BTAF1: variants seen among roughly 807,000 people sequenced by gnomAD.
BTAF1 encodes B-TFIID TATA-box binding protein associated factor 1.
Under a neutral mutation model 227.1 loss-of-function variants are expected in BTAF1, and 38 were observed. The ratio of observed to expected loss-of-function variants is 0.17; its 90% CI spans 0.13 to 0.22. The LOEUF (loss-of-function observed/expected upper bound fraction) is 0.22. Ranked by LOEUF, BTAF1 falls within the 10% of genes least tolerant of loss-of-function variation. The pLI is 1.00. For missense variants in BTAF1, 1,598 were observed against 2,204.0 expected (o/e 0.73, Z 5.51); for synonymous variants, 742 against 751.9 (o/e 0.99, Z 0.21).
At position 92,011,101 on chromosome 10, in the gene BTAF1, C is replaced by T; in HGVS notation, c.4132C>T (p.Leu1378=). Residue 1378 remains leucine (L), a synonymous_variant, in exon 29 of 38, where the codon CTA becomes TTA. Transcript: ENST00000265990. ...RLQHQVKRHN[L]IVASYDVVRN... ...ACAGCACCAAGTAAAAAGGCACAATCTAATAGTGGCTTCATATGATGTTGT... is the reference window on the plus strand; with the variant it reads ...ACAGCACCAAGTAAAAAGGCACAATTTAATAGTGGCTTCATATGATGTTGT... 11 of 1,606,362 alleles carry T rather than the reference C, an allele frequency of 6.8e-6. No individual in the cohort carries two copies. Among genetic ancestry groups the T allele is most frequent in the Non-Finnish European group, 9.3e-6 (11 of 1,177,136 alleles).
intron 23 of BTAF1, 48 bp from the exon 24 acceptor site, chr10:91,996,321 A>C: frequency 6.5e-7 from 1 of 1,536,218 alleles, no homozygotes; most frequent in Non-Finnish European, 9.0e-7. Flanking sequence ...TTACATATTA[A>C]ACAGTATTTC....
intron 14 of BTAF1, among the ~76,000 whole-genome samples, chr10:91,974,604 G>A (rs945070313): frequency 1.3e-5 from 2 of 152,148 alleles, no homozygotes; most frequent in African/African-American, 4.8e-5. Context: ...GTAACCCCAG[G>A]ACTTTGGGAG....
intron 9 of BTAF1, chr10:91,959,369 C>CAGTGTCTCCAGGCAA: frequency 5.4e-6 from 5 of 921,762 alleles, no homozygotes; most frequent in Non-Finnish European, 7.5e-6. Flanking sequence ...TTGGTATTGC[C>CAGTGTCTCCAGGCAA]TGGAGACACT....
intron 5 of BTAF1, among the ~76,000 whole-genome samples, chr10:91,951,796 T>G (rs951018676): frequency 2.6e-5 from 4 of 152,162 alleles, no homozygotes; most frequent in Non-Finnish European, 4.4e-5. Context: ...TAGTAGACCT[T>G]TTAGGCACTA....
chr10:91,976,223 C>G (rs1418113255), intron 14 of BTAF1, among the ~76,000 whole-genome samples: 1 of 152,162 alleles, frequency 6.6e-6, no homozygotes, highest in Non-Finnish European at 1.5e-5. Context: ...ATGCACAAGG[C>G]AAGGTATGGG....
At position 92,013,816 on chromosome 10, in the gene BTAF1, AG is replaced by A. The variant is rs1850524855; in HGVS notation, c.4453+9del. The A allele has an allele frequency of 6.2e-7, 1 of 1,613,884 alleles. No individual in the cohort carries two copies. The highest frequency in any genetic ancestry group is 1.3e-5 in the African/African-American group (1 of 74,948). On this transcript the variant is annotated intron_variant, in intron 31 of 37. Transcript: ENST00000265990. The stretch of plus-strand genomic sequence containing the variant: ...GTCGAGAGCAAGAAGCAGGTATGAA[AG>A]AGATATAATTATAACCCTGTGTAAG...
intron 14 of BTAF1, 105 bp downstream of exon 14, chr10:91,966,862 A>C: frequency 9.4e-7 from 1 of 1,067,044 alleles, no homozygotes. Context: ...GATCAGGACA[A>C]TGTTGGGCCT....
intron 5 of BTAF1, 137 bp downstream of exon 5, chr10:91,951,703 T>C (rs1417117533): frequency 9.7e-6 from 9 of 925,840 alleles, no homozygotes; most frequent in Non-Finnish European, 1.1e-5. Context: ...TAATTTAGCA[T>C]CTTTTTTTAA....
In BTAF1 at chr10:91,994,699, A is replaced by G; in HGVS notation, c.3309+55A>G. The G allele has an allele frequency of 4.8e-6, 7 of 1,450,100 alleles. No homozygotes were observed. The South Asian group carries it at 8.1e-5, about 17-fold the overall frequency. The allele number at this position is 1,450,100 out of a possible 1,614,324, so 89.8% of individuals were successfully genotyped here. On this transcript the variant is annotated intron_variant, in intron 23 of 37. Coordinates refer to ENST00000265990, the MANE Select transcript of BTAF1 (RefSeq NM_003972.3). Reference sequence around the variant, plus strand: ...TTCAAATAAAACAAGTGGTCTTATTAAAAAGTCTTAAGGTTTGAAAGGTAC... The same window carrying G: ...TTCAAATAAAACAAGTGGTCTTATTGAAAAGTCTTAAGGTTTGAAAGGTAC...
intron 28 of BTAF1, 63 bp from the exon 29 acceptor site, chr10:92,011,002 TTATACAAA>T: frequency 1.7e-6 from 2 of 1,143,478 alleles, no homozygotes; most frequent in Non-Finnish European, 2.6e-6. Flanking sequence ...TGAAAGCACT[TTATACAAA>T]TGGTAGCTAT....
In BTAF1 at chr10:91,990,741, T is replaced by C. The variant is rs564895997; in HGVS notation, c.2854+1161T>C. On this transcript the variant is annotated intron_variant, in intron 20 of 37. Transcript: ENST00000265990. The stretch of plus-strand genomic sequence containing the variant: ...CTGGGAGGCGGAGGTTGCGGTGAGC[T>C]GAGATCGCGCCATTGTATTCCAGCC... Among the ~76,000 whole-genome samples, 460 of 151,168 alleles carry C rather than the reference T, an allele frequency of 3.0e-3. 9 individuals carry two copies. Among genetic ancestry groups the C allele is most frequent in the African/African-American group, 0.011 (450 of 41,194 alleles).
intron 30 of BTAF1, among the ~76,000 whole-genome samples, chr10:92,012,590 G>T (rs1850447057): frequency 6.6e-6 from 1 of 150,980 alleles, no homozygotes; most frequent in Non-Finnish European, 1.5e-5. Flanking sequence ...GGCCAGTGTG[G>T]CAAAACCCCA....
chr10:91,934,912 T>TA (rs1464836694), intron 1 of BTAF1, among the ~76,000 whole-genome samples: 2 of 152,304 alleles, frequency 1.3e-5, no homozygotes, highest in Admixed American at 1.3e-4. Context: ...TTTTCAGTAT[T>TA]ACATAGTTGG....
At chr10:91,951,356 A>G in intron 4 of BTAF1, 47 bp from the exon 5 acceptor site, 1 of 1,574,526 alleles carries the variant, frequency 6.4e-7, no homozygotes, top group Non-Finnish European at 8.6e-7. Context: ...CGTATTAGAA[A>G]ACTTCTTAAC....
intron 1 of BTAF1, among the ~76,000 whole-genome samples, chr10:91,929,779 C>T (rs970409028): frequency 2.6e-5 from 4 of 151,846 alleles, no homozygotes; most frequent in African/African-American, 9.7e-5. Context: ...TGGTCTTAAA[C>T]TCTTGCCTCA....
At chr10:91,978,775 A>C (rs1847867374) in intron 14 of BTAF1, among the ~76,000 whole-genome samples, 1 of 148,316 alleles carries the variant, frequency 6.7e-6, no homozygotes, top group Non-Finnish European at 1.5e-5. Context: ...AAGACAGTGA[A>C]GTAGTGAGAA....
Position 91,956,552 on chromosome 10 carries a change from A to G in BTAF1, c.726A>G (p.Pro242=). The G allele has an allele frequency of 1.3e-6, 2 of 1,599,274 alleles. No homozygotes were observed. Among genetic ancestry groups the G allele is most frequent in the Admixed American group, 1.8e-5 (1 of 55,198 alleles). The change falls in exon 7 of 38, where the codon CCA becomes CCG. Residue 242 remains proline, a synonymous_variant. Coordinates refer to ENST00000265990, the MANE Select transcript of BTAF1 (RefSeq NM_003972.3). Reference sequence around the variant, plus strand: ...GCAATGATAGCACTGATGGGGAGCCAGAAGAAAAGAGACGGAAAATAGCAA... The same window carrying G: ...GCAATGATAGCACTGATGGGGAGCCGGAAGAAAAGAGACGGAAAATAGCAA... The part of the protein sequence containing the change: ...EKSNDSTDGE[P]EEKRRKIANV...
chr10:91,936,644 T>G (rs748093978), intron 2 of BTAF1, among the ~76,000 whole-genome samples: 1 of 152,202 alleles, frequency 6.6e-6, no homozygotes, highest in South Asian at 2.1e-4. Flanking sequence ...AGGATGTAGA[T>G]GGAGAGACAG....
chr10:91,986,022 ATT>A (rs889503894), intron 19 of BTAF1, among the ~76,000 whole-genome samples: 2 of 146,150 alleles, frequency 1.4e-5, no homozygotes. Flanking sequence ...GACTTCAGTA[ATT>A]TTTTTTTTTT....
Sources: allele counts gnomAD v4.1 joint callset (sites outside exome capture counted in the v4.1 genomes callset), GRCh38; gene constraint gnomAD v4.1.1; transcripts MANE v1.5; gene names NCBI Gene and HGNC (gene_info 2026-07-23, HGNC 2026-07-21).